CNTNAP4: variants seen among roughly 807,000 people sequenced by gnomAD.
CNTNAP4 encodes the protein contactin associated protein family member 4.
Under a neutral mutation model 148.4 loss-of-function variants are expected in CNTNAP4, and 98 were observed. The ratio of observed to expected loss-of-function variants is 0.66; its 90% confidence interval spans 0.56 to 0.78. The LOEUF (loss-of-function observed/expected upper bound fraction) is 0.78. Ranked by LOEUF, CNTNAP4 falls within the 30% of genes least tolerant of loss-of-function variation. The pLI, the probability that CNTNAP4 is intolerant of heterozygous loss-of-function variation, is 0.00. For synonymous variants in CNTNAP4, 730 were observed against 565.1 expected (o/e 1.29, Z -4.14); for missense variants, 1,935 against 1,565.6 (o/e 1.24, Z -3.98).
At chr16:76,453,800 G>T (rs534475936) in intron 8 of CNTNAP4, among the ~76,000 whole-genome samples, 1 of 152,102 alleles carries the variant, frequency 6.6e-6, no homozygotes, top group South Asian at 2.1e-4. Flanking sequence ...TTTAAATACG[G>T]AACCGAGAAT....
intron 3 of CNTNAP4, among the ~76,000 whole-genome samples, chr16:76,398,862 C>T (rs1450636290): frequency 1.3e-5 from 2 of 151,882 alleles, no homozygotes; most frequent in African/African-American, 2.4e-5. Flanking sequence ...ATATATTTAT[C>T]TCACCTTGTG....
At chr16:76,552,067 A>G (rs1321255869) in intron 21 of CNTNAP4, among the ~76,000 whole-genome samples, 2 of 152,192 alleles carry the variant, frequency 1.3e-5, no homozygotes, top group African/African-American at 2.4e-5. Context: ...AAAGCAACTT[A>G]TAGGCAGAAA....
rs2080385626 is a variant in CNTNAP4, at chr16:76,449,763, C to T, written c.976C>T (p.His326Tyr). 1 of 1,597,428 alleles carries T rather than the reference C, an allele frequency of 6.3e-7. No homozygotes were observed. Among genetic ancestry groups the T allele is most frequent in the Non-Finnish European group, 8.5e-7 (1 of 1,171,060 alleles). The change falls in exon 7 of 24, where the codon CAT becomes TAT. Residue 326 changes from histidine (H) to tyrosine (Y), a missense_variant. Physicochemically the swap from His to Tyr is moderately conservative, Grantham distance 83 (BLOSUM62 2). Coordinates refer to ENST00000611870, the MANE Select transcript of CNTNAP4 (RefSeq NM_033401.5). ...ACCTGGAAAATCAGTGTCATTCCCA[C>T]ATAGAAATTTTCATGGATGTTTAGA... is the stretch of plus-strand genomic sequence containing the variant. ...PAPGKSVSFP[H>Y]RNFHGCLENL...
intron 15 of CNTNAP4, among the ~76,000 whole-genome samples, chr16:76,520,913 C>T (rs374928070): frequency 1.2e-4 from 18 of 152,046 alleles, no homozygotes; most frequent in Admixed American, 1.2e-3. Flanking sequence ...AATGATCATT[C>T]TTACTCTCTA....
intron 1 of CNTNAP4, among the ~76,000 whole-genome samples, chr16:76,285,166 T>G (rs542503348): frequency 6.6e-6 from 1 of 152,120 alleles, no homozygotes; most frequent in East Asian, 1.9e-4. Flanking sequence ...GGTGTTTTTT[T>G]TCCCCTCCTT....
chr16:76,353,173 C>T (rs1172957543), intron 2 of CNTNAP4, among the ~76,000 whole-genome samples: 1 of 152,050 alleles, frequency 6.6e-6, no homozygotes, highest in East Asian at 1.9e-4. Context: ...GAGCATTGTG[C>T]TTTTGACACA....
intron 13 of CNTNAP4, among the ~76,000 whole-genome samples, chr16:76,490,397 T>G (rs4605191): frequency 6.6e-6 from 1 of 152,066 alleles, no homozygotes; most frequent in Non-Finnish European, 1.5e-5. Flanking sequence ...AAAACCATCT[T>G]GACTCTTTAT....
intron 15 of CNTNAP4, among the ~76,000 whole-genome samples, chr16:76,502,181 C>G (rs905400889): frequency 1.3e-5 from 2 of 152,120 alleles, no homozygotes; most frequent in South Asian, 4.1e-4. Flanking sequence ...CCTCCTGTAC[C>G]TATTTTTAGC....
intron 2 of CNTNAP4, among the ~76,000 whole-genome samples, chr16:76,341,187 C>G (rs1332875473): frequency 6.6e-6 from 1 of 151,834 alleles, no homozygotes; most frequent in South Asian, 2.1e-4. Context: ...ACATCTTCCT[C>G]AACTTTTTCA....
At chr16:76,554,513 T>G (rs985992464) in intron 23 of CNTNAP4, among the ~76,000 whole-genome samples, 2 of 152,122 alleles carry the variant, frequency 1.3e-5, no homozygotes, top group South Asian at 4.1e-4. Flanking sequence ...ACTTTTAAAG[T>G]ATGTCTCCCT....
chr16:76,444,190 C>A (rs1023439790), intron 4 of CNTNAP4, among the ~76,000 whole-genome samples: 1 of 151,880 alleles, frequency 6.6e-6, no homozygotes, highest in Non-Finnish European at 1.5e-5. Flanking sequence ...GACAATAAAC[C>A]CATAACCTTT....
At chr16:76,545,220 C>T (rs992878613) in intron 21 of CNTNAP4, among the ~76,000 whole-genome samples, 5 of 152,050 alleles carry the variant, frequency 3.3e-5, no homozygotes, top group African/African-American at 9.7e-5. Context: ...ATGTCATAGA[C>T]TGTCTTCAGT....
intron 17 of CNTNAP4, among the ~76,000 whole-genome samples, chr16:76,531,447 C>T (rs565033020): frequency 6.6e-6 from 1 of 152,234 alleles, no homozygotes; most frequent in African/African-American, 2.4e-5. Flanking sequence ...TGGACAGGTT[C>T]AGTTAAACTC....
In CNTNAP4 at chr16:76,522,687, C is replaced by CTTTTCTTTTCT. The variant is rs201677733; in HGVS notation, c.2755+433_2755+434insTCTTTTCTTTT. On this transcript the variant is annotated intron_variant, in intron 17 of 23. Transcript: ENST00000611870. ...CTTTCCTTCTTTCTCTCTTTCTCTC[C>CTTTTCTTTTCT]TTTCTTTTCTTTTCTTTTCTTTTCT... Among the ~76,000 whole-genome samples the CTTTTCTTTTCT allele has an allele frequency of 5.6e-4, 17 of 30,158 alleles. 2 individuals carry two copies. Among genetic ancestry groups the CTTTTCTTTTCT allele is most frequent in the African/African-American group, 1.7e-3 (13 of 7,602 alleles). The allele number at this position is 30,158 out of a possible 152,430, so 19.8% of individuals were successfully genotyped here.
At chr16:76,376,465 A>C (rs1207647642) in intron 3 of CNTNAP4, among the ~76,000 whole-genome samples, 3 of 152,046 alleles carry the variant, frequency 2.0e-5, no homozygotes, top group Non-Finnish European at 4.4e-5. Context: ...GAAGAAAAAA[A>C]GTAAAGACAG....
chr16:76,549,108 G>T (rs1329036015), intron 21 of CNTNAP4, among the ~76,000 whole-genome samples: 1 of 152,036 alleles, frequency 6.6e-6, no homozygotes, highest in African/African-American at 2.4e-5. Context: ...AGGCTCTTGT[G>T]GGGCTTCCTA....
intron 2 of CNTNAP4, among the ~76,000 whole-genome samples, chr16:76,348,503 A>G (rs908811484): frequency 3.3e-5 from 5 of 152,176 alleles, no homozygotes; most frequent in African/African-American, 4.8e-5. Flanking sequence ...ACTTTAAAAG[A>G]TCATGTGAGA....
intron 3 of CNTNAP4, among the ~76,000 whole-genome samples, chr16:76,399,988 T>G (rs1283060211): frequency 6.6e-6 from 1 of 152,156 alleles, no homozygotes. Flanking sequence ...TGTAAAAGAT[T>G]AATTATTAAT....
At chr16:76,366,237 A>C (rs1483267420) in intron 3 of CNTNAP4, among the ~76,000 whole-genome samples, 1 of 152,154 alleles carries the variant, frequency 6.6e-6, no homozygotes, top group Non-Finnish European at 1.5e-5. Flanking sequence ...GCCAGGTACT[A>C]AGCCTGGTAC....
Sources: allele counts gnomAD v4.1 joint callset (sites outside exome capture counted in the v4.1 genomes callset), GRCh38; gene constraint gnomAD v4.1.1; transcripts MANE v1.5; gene names NCBI Gene and HGNC (gene_info 2026-07-23, HGNC 2026-07-21).